The following CORIN variants were observed in gnomAD, a reference collection of about 807,000 sequenced individuals.
The protein encoded by CORIN is atrial natriuretic peptide-converting enzyme.
Under a neutral mutation model 125.3 loss-of-function variants are expected in CORIN, and 117 were observed. The ratio of observed to expected loss-of-function variants is 0.93; its 90% CI spans 0.80 to 1.09. The LOEUF (loss-of-function observed/expected upper bound fraction) is 1.09. CORIN is among the 50% of genes least tolerant of loss of function. The pLI is 0.00. For synonymous variants in CORIN, 450 were observed against 466.4 expected, an observed-to-expected ratio of 0.96 and a Z score of 0.45; for missense variants, 1,253 against 1,306.7, an observed-to-expected ratio of 0.96 and a Z score of 0.63.
chr4:47,686,644 T>C (rs1332677647), intron 6 of CORIN, among the ~76,000 whole-genome samples: 1 of 152,206 alleles, frequency 6.6e-6, no homozygotes, highest in African/African-American at 2.4e-5. Context: ...TTTTTGATGT[T>C]TTTTTGTCTT....
chr4:47,812,459 C>G (rs1292151698), intron 1 of CORIN, among the ~76,000 whole-genome samples: 2 of 152,040 alleles, frequency 1.3e-5, no homozygotes, highest in Admixed American at 1.3e-4. Flanking sequence ...GAGCCAAGAT[C>G]GTACCACTGC....
chr4:47,651,628 A>G (rs933381479), intron 13 of CORIN, among the ~76,000 whole-genome samples: 1 of 152,234 alleles, frequency 6.6e-6, no homozygotes, highest in Non-Finnish European at 1.5e-5. Context: ...TTGAACTCCA[A>G]ATGTATTATT....
At chr4:47,675,047 G>A (rs1577812421) in intron 9 of CORIN, among the ~76,000 whole-genome samples, 1 of 152,270 alleles carries the variant, frequency 6.6e-6, no homozygotes, top group East Asian at 1.9e-4. Flanking sequence ...CTTGGAAAGT[G>A]TCATCAGCCT....
At chr4:47,663,016 T>TA (rs1291184559) in intron 11 of CORIN, among the ~76,000 whole-genome samples, 3 of 152,220 alleles carry the variant, frequency 2.0e-5, no homozygotes, top group East Asian at 1.9e-4. Flanking sequence ...TGCAGATTTA[T>TA]AAAAAATGTA....
chr4:47,634,660 G>A (rs537464434), intron 16 of CORIN, among the ~76,000 whole-genome samples: 16 of 152,198 alleles, frequency 1.1e-4, no homozygotes, highest in African/African-American at 3.9e-4. Context: ...TAAAAACCTT[G>A]TTGAAGATAC....
chr4:47,633,192 G>A (rs535991783), intron 16 of CORIN, among the ~76,000 whole-genome samples: 1 of 152,220 alleles, frequency 6.6e-6, no homozygotes, highest in East Asian at 1.9e-4. Context: ...AAAGCAAAGG[G>A]GGGAGGTTAA....
chr4:47,772,360 C>T (rs1278339745), intron 3 of CORIN, among the ~76,000 whole-genome samples: 2 of 152,096 alleles, frequency 1.3e-5, no homozygotes, highest in Non-Finnish European at 2.9e-5. Flanking sequence ...GTGAAGGTAG[C>T]GGATTTCTTT....
intron 5 of CORIN, among the ~76,000 whole-genome samples, chr4:47,739,625 G>T (rs1391829091): frequency 6.6e-6 from 1 of 151,720 alleles, no homozygotes; most frequent in Non-Finnish European, 1.5e-5. Flanking sequence ...TATTGGTAGA[G>T]GTAATTAAAT....
chr4:47,779,376 A>G (rs567667741), intron 3 of CORIN, among the ~76,000 whole-genome samples: 1 of 152,074 alleles, frequency 6.6e-6, no homozygotes, highest in Non-Finnish European at 1.5e-5. Context: ...GATGAGTAGT[A>G]ATCCAGGTAA....
intron 19 of CORIN, among the ~76,000 whole-genome samples, chr4:47,604,888 C>T (rs1305634501): frequency 1.3e-5 from 2 of 152,188 alleles, no homozygotes; most frequent in East Asian, 3.8e-4. Context: ...ATCTTCTGCT[C>T]ACTATTCTCC....
At chr4:47,731,194 G>C (rs1035361637) in intron 5 of CORIN, among the ~76,000 whole-genome samples, 7 of 152,226 alleles carry the variant, frequency 4.6e-5, no homozygotes, top group Non-Finnish European at 1.5e-5. Context: ...AAGAGAAAGT[G>C]CATGGGCAAT....
At chr4:47,639,438 G>A (rs1476387555) in intron 16 of CORIN, among the ~76,000 whole-genome samples, 1 of 152,052 alleles carries the variant, frequency 6.6e-6, no homozygotes, top group Non-Finnish European at 1.5e-5. Context: ...TCGACCCAAT[G>A]CCTAGTCCAG....
intron 3 of CORIN, among the ~76,000 whole-genome samples, chr4:47,774,592 G>A (rs1730206953): frequency 6.6e-6 from 1 of 152,122 alleles, no homozygotes; most frequent in Admixed American, 6.6e-5. Flanking sequence ...TGAGGGATGT[G>A]GGAGTCAGCA....
At chr4:47,816,057 T>G (rs751396554) in intron 1 of CORIN, among the ~76,000 whole-genome samples, 3 of 152,242 alleles carry the variant, frequency 2.0e-5, no homozygotes, top group Non-Finnish European at 2.9e-5. Flanking sequence ...ATTGACTTTC[T>G]ACAGCTGAAA....
chr4:47,747,367 C>T (rs1728707264), intron 4 of CORIN, among the ~76,000 whole-genome samples: 1 of 151,878 alleles, frequency 6.6e-6, no homozygotes, highest in African/African-American at 2.4e-5. Context: ...ATTCCAGATA[C>T]CATTTAAAGG....
At chr4:47,748,077 A>G (rs1395987056) in intron 4 of CORIN, among the ~76,000 whole-genome samples, 1 of 152,222 alleles carries the variant, frequency 6.6e-6, no homozygotes, top group Non-Finnish European at 1.5e-5. Flanking sequence ...AAGAGGTGTA[A>G]CCAACTGAGA....
intron 16 of CORIN, among the ~76,000 whole-genome samples, chr4:47,631,926 G>T (rs1722822974): frequency 6.6e-6 from 1 of 152,160 alleles, no homozygotes; most frequent in Non-Finnish European, 1.5e-5. Flanking sequence ...TCACTTTTCT[G>T]ATGCTGAAAT....
chr4:47,789,929 G>A (rs1730992293), intron 2 of CORIN, among the ~76,000 whole-genome samples: 1 of 152,298 alleles, frequency 6.6e-6, no homozygotes, highest in Admixed American at 6.5e-5. Flanking sequence ...GGCTGAGGCA[G>A]GAGAATGGCA....
intron 13 of CORIN, among the ~76,000 whole-genome samples, chr4:47,649,051 A>T (rs1221750544): frequency 6.6e-6 from 1 of 152,208 alleles, no homozygotes; most frequent in African/African-American, 2.4e-5. Context: ...AGGCCTGATT[A>T]TCAGGGCAGC....
Sources: gnomAD v4.1 joint callset for allele counts (sites outside exome capture counted in the v4.1 genomes callset) on GRCh38, gnomAD v4.1.1 for gene constraint, MANE v1.5 for transcripts, NCBI Gene and HGNC (gene_info 2026-07-23, HGNC 2026-07-21) for gene names.